The following DOCK8 variants were observed in gnomAD, a reference collection of about 807,000 sequenced individuals.
DOCK8 encodes dedicator of cytokinesis 8.
A neutral mutation model predicts 245.6 loss-of-function variants in DOCK8; 141 were observed. The ratio of observed to expected loss-of-function variants is 0.57; its 90% confidence interval spans 0.50 to 0.66. The LOEUF is 0.66. Ranked by LOEUF, DOCK8 falls within the 30% of genes least tolerant of loss-of-function variation. The pLI is 0.00. For missense variants in DOCK8, 2,965 were observed against 2,603.4 expected (o/e 1.14, Z -3.02); for synonymous variants, 1,168 against 970.2 (o/e 1.20, Z -3.79).
chr9:328,694 C>T (rs1281009131), intron 9 of DOCK8, among the ~76,000 whole-genome samples: 1 of 150,730 alleles, frequency 6.6e-6, no homozygotes, highest in Non-Finnish European at 1.5e-5. Flanking sequence ...CAAGCTGAAG[C>T]GTGGGCTGTG....
chr9:229,179 A>C (rs1563823729), intron 1 of DOCK8, among the ~76,000 whole-genome samples: 1 of 152,200 alleles, frequency 6.6e-6, no homozygotes, highest in Non-Finnish European at 1.5e-5. Context: ...ATAGTTGGTC[A>C]TTTTAACCAA....
rs201821657 is a variant in DOCK8, at chr9:273,074, C to T, written c.156+1345C>T. 8.6e-5 allele frequency: 85 copies of T among 985,394 alleles called. No individual in the cohort carries two copies. The East Asian group carries it at 3.4e-3, about 39-fold the overall frequency. 61.0% of individuals were successfully genotyped at this position (985,394 alleles called of 1,614,324 possible). A position where few individuals can be genotyped will look rare whatever the true frequency, so the allele number is the denominator to read the frequency against. On this transcript the variant is annotated intron_variant, in intron 2 of 47. Coordinates refer to ENST00000432829, the MANE Select transcript of DOCK8 (RefSeq NM_203447.4). ...ATTTTGTCTCCTGTAACAATTTACGCGCCGTGTAACTGTGAATCTTTCAAA... is the reference window on the plus strand; with the variant it reads ...ATTTTGTCTCCTGTAACAATTTACGTGCCGTGTAACTGTGAATCTTTCAAA...
chr9:286,516 A>G lies in DOCK8; in HGVS notation c.212A>G (p.His71Arg). The change falls in exon 3 of 48, where the codon CAC becomes CGC. Residue 71 changes from histidine (H) to arginine (R), a missense_variant. Physicochemically the swap from His to Arg is conservative, Grantham distance 29 (BLOSUM62 0). Transcript: ENST00000432829. Reference protein sequence around the residue: ...PVDFEGLLMTHLNSLDVQLAQ... With the variant: ...PVDFEGLLMTRLNSLDVQLAQ... ...GACTTTGAAGGACTTCTGATGACAC[A>G]CCTGAACAGCCTGGATGTGCAGCTT... 1 of 1,614,032 alleles carries G rather than the reference A, an allele frequency of 6.2e-7. No homozygotes were observed. Among genetic ancestry groups the G allele is most frequent in the Non-Finnish European group, 8.5e-7 (1 of 1,179,942 alleles).
intron 36 of DOCK8, among the ~76,000 whole-genome samples, chr9:430,635 T>C (rs941238209): frequency 9.3e-5 from 14 of 150,692 alleles, no homozygotes; most frequent in African/African-American, 3.0e-4. Flanking sequence ...TGAGCCAAGA[T>C]TGTGCCACTG....
In DOCK8 at chr9:400,934, T is replaced by C. The variant is rs1326575179; in HGVS notation, c.3234+1675T>C. ...CAGCTCCTTCACCATCACCACAACATCCACCACCACCATCACCACCACCAC... is the reference window on the plus strand; with the variant it reads ...CAGCTCCTTCACCATCACCACAACACCCACCACCACCATCACCACCACCAC... On this transcript the variant is annotated intron_variant, in intron 26 of 47. Coordinates refer to ENST00000432829, the MANE Select transcript of DOCK8 (RefSeq NM_203447.4). Among the ~76,000 whole-genome samples, 7 of 20,546 alleles carry C rather than the reference T, an allele frequency of 3.4e-4. No homozygotes were observed. In the South Asian group the frequency reaches 6.0e-3, roughly 18 times the overall value. 13.5% of individuals were successfully genotyped at this position (20,546 alleles called of 152,430 possible). A position where few individuals can be genotyped will look rare whatever the true frequency, so the allele number is the denominator to read the frequency against.
Position 441,927 on chromosome 9 carries a change from A to C in DOCK8, c.5408A>C (p.Lys1803Thr), listed in dbSNP as rs534744136. The change falls in exon 42 of 48, where the codon AAA becomes ACA. Residue 1803 changes from lysine (K) to threonine (T), a missense_variant. By Grantham distance (78) the Lys-to-Thr change is moderately conservative. Coordinates refer to ENST00000432829, the MANE Select transcript of DOCK8 (RefSeq NM_203447.4). ...TYFRVGFFGS[K>T]FGDLDEQEFV... ...TTCCGAGTTGGTTTCTTTGGATCCAAATTTGGGGATTTGGATGAACAGGAG... is the reference window on the plus strand; with the variant it reads ...TTCCGAGTTGGTTTCTTTGGATCCACATTTGGGGATTTGGATGAACAGGAG... 98 of 1,614,026 alleles carry C rather than the reference A, an allele frequency of 6.1e-5. 1 individual carries two copies. The South Asian group carries it at 7.5e-4, about 12-fold the overall frequency.
At chr9:400,984 C>CA (rs1281419640) in intron 26 of DOCK8, among the ~76,000 whole-genome samples, 23 of 126,196 alleles carry the variant, frequency 1.8e-4, no homozygotes, top group Admixed American at 3.0e-4. Context: ...CCATCACCAC[C>CA]TCCTCCACCA....
intron 4 of DOCK8, among the ~76,000 whole-genome samples, chr9:301,786 T>A (rs1034241821): frequency 6.6e-6 from 1 of 152,136 alleles, no homozygotes. Flanking sequence ...ATACAGCTAA[T>A]CAAGGAGGTG....
Position 298,396 on chromosome 9 carries a change from G to T in DOCK8, c.405-6185G>T, listed in dbSNP as rs565673925. On this transcript the variant is annotated intron_variant, in intron 4 of 47. Transcript: ENST00000432829. The stretch of plus-strand genomic sequence containing the variant: ...GCCAAGATCATGCCGCTGTACTCCA[G>T]CCTGGGTGAAGGAGCCAGACTCTGT... Among the ~76,000 whole-genome samples the T allele has an allele frequency of 1.6e-4, 24 of 152,312 alleles. No individual in the cohort carries two copies. In the South Asian group the frequency reaches 4.3e-3, roughly 28 times the overall value.
chr9:441,818 T>C, intron 41 of DOCK8, 57 bp from the exon 42 acceptor site: 1 of 1,469,758 alleles, frequency 6.8e-7, no homozygotes, highest in Non-Finnish European at 9.4e-7. Flanking sequence ...CCTTTGCAAC[T>C]CAGTGGCTCC....
intron 35 of DOCK8, among the ~76,000 whole-genome samples, chr9:429,437 T>C (rs918800379): frequency 1.3e-5 from 2 of 152,248 alleles, no homozygotes; most frequent in Non-Finnish European, 2.9e-5. Context: ...ATAGTTGTGA[T>C]TTCACCAGTG....
At chr9:267,908 G>A (rs557389520) in intron 1 of DOCK8, 1 of 152,216 alleles carries the variant, frequency 6.6e-6, no homozygotes, top group African/African-American at 2.4e-5. Context: ...TGAATTCCAC[G>A]GTGTATATTT....
At chr9:459,986 G>C (rs1363718516) in intron 46 of DOCK8, 1 of 152,220 alleles carries the variant, frequency 6.6e-6, no homozygotes, top group Admixed American at 6.5e-5. Flanking sequence ...TCCACCTCTT[G>C]ATGGGGGCAT....
At chr9:278,601 A>G (rs2048452415) in intron 2 of DOCK8, among the ~76,000 whole-genome samples, 1 of 152,200 alleles carries the variant, frequency 6.6e-6, no homozygotes, top group African/African-American at 2.4e-5. Context: ...ATGCTTTTAG[A>G]TTGGATCATC....
chr9:280,422 A>ATCC (rs1409700006), intron 2 of DOCK8, among the ~76,000 whole-genome samples: 2 of 152,202 alleles, frequency 1.3e-5, no homozygotes, highest in East Asian at 3.9e-4. Flanking sequence ...GCTGTAGGAA[A>ATCC]TCCATATGGA....
At chr9:421,364 G>A (rs2056271605) in intron 32 of DOCK8, among the ~76,000 whole-genome samples, 2 of 152,208 alleles carry the variant, frequency 1.3e-5, no homozygotes, top group Admixed American at 6.5e-5. Context: ...TGTCAGTCAT[G>A]GATGAGGTGG....
chr9:324,277 T>C (rs1343421682), intron 7 of DOCK8, among the ~76,000 whole-genome samples: 2 of 152,228 alleles, frequency 1.3e-5, no homozygotes, highest in African/African-American at 2.4e-5. Flanking sequence ...TAAAAAGTCC[T>C]CTTTTGAGAC....
chr9:418,252 TTCTG>T (rs1468430676), intron 30 of DOCK8, 45 bp downstream of exon 30: 2 of 1,610,790 alleles, frequency 1.2e-6, no homozygotes, highest in African/African-American at 1.3e-5. Flanking sequence ...ATTTCATGTC[TTCTG>T]TCTTCTGTTT....
upstream of DOCK8, among the ~76,000 whole-genome samples, chr9:212,410 A>G (rs968220256): frequency 5.9e-5 from 9 of 152,204 alleles, no homozygotes; most frequent in African/African-American, 2.2e-4. Context: ...GAGGAAGGCC[A>G]AGAGAGACCA....
Sources: gnomAD v4.1 joint callset for allele counts (sites outside exome capture counted in the v4.1 genomes callset) on GRCh38, gnomAD v4.1.1 for gene constraint, MANE v1.5 for transcripts, NCBI Gene and HGNC (gene_info 2026-07-23, HGNC 2026-07-21) for gene names.